PMFBP1: variants seen among roughly 807,000 people sequenced by gnomAD.
PMFBP1 encodes polyamine modulated factor 1 binding protein 1.
PMFBP1 carries 131 observed loss-of-function variants against 137.8 expected under a neutral mutation model. That is an observed-to-expected ratio of 0.95 (90% CI 0.82 to 1.10). The LOEUF (loss-of-function observed/expected upper bound fraction) is 1.10. Among genes scored for constraint, PMFBP1 ranks in the 50% least tolerant of loss-of-function variants. The pLI, the probability that PMFBP1 is intolerant of heterozygous loss-of-function variation, is 0.00. For missense variants in PMFBP1, 1,199 were observed against 1,175.4 expected, an observed-to-expected ratio of 1.02 and a Z score of -0.29; for synonymous variants, 490 against 450.4, an observed-to-expected ratio of 1.09 and a Z score of -1.11.
the PMFBP1 span, among the ~76,000 whole-genome samples, chr16:72,219,177 A>G: frequency 2.0e-5 from 3 of 152,194 alleles, no homozygotes; most frequent in African/African-American, 4.8e-5. Flanking sequence ...CAAATATACA[A>G]CATATTGTTG....
upstream of PMFBP1, chr16:72,176,959 T>C (rs939035058): frequency 6.6e-6 from 1 of 152,234 alleles, no homozygotes; most frequent in Non-Finnish European, 1.5e-5. Context: ...TGGTTTTCTC[T>C]TGAGATGTCA....
chr16:72,120,207 C>T (rs866582939), intron 19 of PMFBP1, 118 bp from the exon 20 acceptor site: 150 of 1,503,216 alleles, frequency 1.0e-4, no homozygotes, highest in Middle Eastern at 4.9e-4. Flanking sequence ...CAGGTCTGTT[C>T]AGAGCCGGCC....
intron 12 of PMFBP1, 101 bp downstream of exon 12, chr16:72,130,112 C>G (rs1011746493): frequency 8.9e-5 from 134 of 1,508,054 alleles, no homozygotes; most frequent in Non-Finnish European, 1.1e-4. Flanking sequence ...GCCTTGGCCT[C>G]GCAAAGAGCT....
At chr16:72,223,660 C>A in the PMFBP1 span, among the ~76,000 whole-genome samples, 2 of 152,184 alleles carry the variant, frequency 1.3e-5, no homozygotes, top group Admixed American at 6.6e-5. Context: ...TAAGGGCCAA[C>A]AAGCTAGAGC....
chr16:72,247,440 G>A, the PMFBP1 span, among the ~76,000 whole-genome samples: 1 of 152,182 alleles, frequency 6.6e-6, no homozygotes, highest in African/African-American at 2.4e-5. Flanking sequence ...CAAGTCTGCT[G>A]CCCAAGCTTC....
chr16:72,162,363 C>T (rs1002449210), intron 3 of PMFBP1, among the ~76,000 whole-genome samples: 2 of 152,206 alleles, frequency 1.3e-5, no homozygotes, highest in African/African-American at 4.8e-5. Context: ...CAAGGTCATG[C>T]CGTTTTCTTT....
chr16:72,232,873 C>A, the PMFBP1 span, among the ~76,000 whole-genome samples: 4 of 152,046 alleles, frequency 2.6e-5, no homozygotes, highest in Admixed American at 2.6e-4. Flanking sequence ...AAAACACTGT[C>A]TCCATTTTTA....
the PMFBP1 span, among the ~76,000 whole-genome samples, chr16:72,184,308 C>CA: frequency 6.6e-6 from 1 of 152,170 alleles, no homozygotes; most frequent in Non-Finnish European, 1.5e-5. Context: ...TCTGGAGCTC[C>CA]AGATTTGGAT....
the PMFBP1 span, among the ~76,000 whole-genome samples, chr16:72,187,029 C>T: frequency 6.6e-6 from 1 of 151,122 alleles, no homozygotes; most frequent in African/African-American, 2.4e-5. Flanking sequence ...AGGAGAATCG[C>T]TTGAATCCGG....
At chr16:72,218,748 C>A in the PMFBP1 span, among the ~76,000 whole-genome samples, 1 of 152,300 alleles carries the variant, frequency 6.6e-6, no homozygotes, top group African/African-American at 2.4e-5. Context: ...TATGCTCACT[C>A]GCCAAAGTTC....
chr16:72,219,482 C>T, the PMFBP1 span, among the ~76,000 whole-genome samples: 6 of 152,034 alleles, frequency 3.9e-5, no homozygotes, highest in East Asian at 1.2e-3. Context: ...GTGCATATGT[C>T]GGGGGCCTGT....
the PMFBP1 span, among the ~76,000 whole-genome samples, chr16:72,216,004 A>G: frequency 6.6e-6 from 1 of 152,220 alleles, no homozygotes; most frequent in Non-Finnish European, 1.5e-5. Context: ...ACCAAAGCAC[A>G]TATGCTATCT....
At chr16:72,147,750 G>A (rs2042833711) in intron 5 of PMFBP1, among the ~76,000 whole-genome samples, 1 of 152,146 alleles carries the variant, frequency 6.6e-6, no homozygotes, top group African/African-American at 2.4e-5. Flanking sequence ...CATTTATGCA[G>A]CCAAGAAAGA....
At chr16:72,141,507 T>C (rs2042721888) in intron 5 of PMFBP1, among the ~76,000 whole-genome samples, 1 of 152,228 alleles carries the variant, frequency 6.6e-6, no homozygotes, top group African/African-American at 2.4e-5. Flanking sequence ...CTTTATACTA[T>C]ATTTACATAA....
chr16:72,135,185 T>C (rs1012787577), intron 9 of PMFBP1, among the ~76,000 whole-genome samples: 11 of 152,058 alleles, frequency 7.2e-5, no homozygotes, highest in Admixed American at 2.6e-4. Flanking sequence ...ATGATTATTA[T>C]TATTATTTGA....
intron 17 of PMFBP1, among the ~76,000 whole-genome samples, chr16:72,124,208 G>C (rs2042418782): frequency 6.6e-6 from 1 of 152,174 alleles, no homozygotes; most frequent in African/African-American, 2.4e-5. Context: ...ATGAGGTCTT[G>C]CTATGTTGCC....
In PMFBP1 at chr16:72,132,881, G is replaced by T. The variant is rs1405170228; in HGVS notation, c.1314C>A (p.Ala438=). Residue 438 remains alanine (A), a synonymous_variant, in exon 10 of 21, where the codon GCC becomes GCA. Coordinates refer to ENST00000237353, the MANE Select transcript of PMFBP1 (RefSeq NM_031293.3). The part of the protein sequence containing the change: ...EKELEKQQCM[A]TELEMTVKEA... Reference sequence around the variant, plus strand: ...CCTTGACTGTCATTTCAAGTTCTGTGGCCATGCACTGCTGCTTCTCCAGCT... The same window carrying T: ...CCTTGACTGTCATTTCAAGTTCTGTTGCCATGCACTGCTGCTTCTCCAGCT... 1 of 1,614,092 alleles carries T rather than the reference G, an allele frequency of 6.2e-7. No homozygotes were observed. Among genetic ancestry groups the T allele is most frequent in the Non-Finnish European group, 8.5e-7 (1 of 1,180,056 alleles).
the PMFBP1 span, among the ~76,000 whole-genome samples, chr16:72,231,550 C>T: frequency 2.0e-5 from 3 of 152,246 alleles, no homozygotes; most frequent in African/African-American, 7.2e-5. Flanking sequence ...AGAGATGAGA[C>T]ATGGTGTTTT....
At chr16:72,175,500 G>T (rs1287947603), upstream of PMFBP1, among the ~76,000 whole-genome samples, 1 of 152,164 alleles carries the variant, frequency 6.6e-6, no homozygotes, top group Admixed American at 6.5e-5. Flanking sequence ...CTGGGTATAT[G>T]GTTGACTCCT....
Sources: allele counts gnomAD v4.1 joint callset (sites outside exome capture counted in the v4.1 genomes callset), GRCh38; gene constraint gnomAD v4.1.1; transcripts MANE v1.5; gene names NCBI Gene and HGNC (gene_info 2026-07-23, HGNC 2026-07-21).